ADGRG5: variants seen among roughly 807,000 people sequenced by gnomAD.
ADGRG5 encodes the protein G protein-coupled receptor 114.
In ADGRG5, 37 loss-of-function variants were observed where a neutral mutation model predicts 53.2. That is an observed-to-expected ratio of 0.70 (90% CI 0.53 to 0.91). The LOEUF (loss-of-function observed/expected upper bound fraction) is 0.91. Among genes scored for constraint, ADGRG5 ranks in the 40% least tolerant of loss-of-function variants. The pLI, the probability that ADGRG5 is intolerant of heterozygous loss-of-function variation, is 0.00. For synonymous variants in ADGRG5, 277 were observed against 290.4 expected, an observed-to-expected ratio of 0.95 and a Z score of 0.47; for missense variants, 614 against 675.8, an observed-to-expected ratio of 0.91 and a Z score of 1.01.
At chr16:57,564,320 T>C (rs568355731) in intron 5 of ADGRG5, among the ~76,000 whole-genome samples, 50 of 151,984 alleles carry the variant, frequency 3.3e-4, no homozygotes, top group Non-Finnish European at 5.3e-4. Context: ...AGATTTTTTT[T>C]TTTTTTTTTG....
Position 57,555,754 on chromosome 16 carries a change from A to G in ADGRG5, c.-38-6302A>G, listed in dbSNP as rs141179108. ...GAAGTTTACTTTTTCAGATATTAATATAGCTATTCCCTCTTACTTATTGAT... is the reference window on the plus strand; with the variant it reads ...GAAGTTTACTTTTTCAGATATTAATGTAGCTATTCCCTCTTACTTATTGAT... On this transcript the variant is annotated intron_variant, in intron 1 of 11. Transcript: ENST00000349457. Among the ~76,000 whole-genome samples, 1,219 of 152,298 alleles carry G rather than the reference A, an allele frequency of 8.0e-3. 6 individuals carry two copies. The highest frequency in any genetic ancestry group is 0.013 in the Non-Finnish European group (897 of 68,022).
At chr16:57,546,032 G>A (rs2032611262) in intron 1 of ADGRG5, among the ~76,000 whole-genome samples, 1 of 152,098 alleles carries the variant, frequency 6.6e-6, no homozygotes, top group African/African-American at 2.4e-5. Flanking sequence ...CACCTTGTTG[G>A]CCAGGCTGGT....
At position 57,561,814 on chromosome 16, in the gene ADGRG5, C is replaced by T. The variant is rs375959047; in HGVS notation, c.-38-242C>T. Among the ~76,000 whole-genome samples the T allele has an allele frequency of 2.6e-5, 4 of 152,278 alleles. No homozygotes were observed. The South Asian group carries it at 6.2e-4, about 24-fold the overall frequency. ...TTTTTGGGAAGGGGAGTGTATCAGG[C>T]GGAGCTGCTAATGGCAGCCATTACT... On this transcript the variant is annotated intron_variant, in intron 1 of 11. Transcript: ENST00000349457.
Position 57,570,443 on chromosome 16 carries a change from T to C in ADGRG5, c.1116T>C (p.Leu372=). ...GWGAPALLVL[L]SLSVKSSVYG... Reference sequence around the variant, plus strand: ...GGGCCCCAGCCCTCCTGGTGCTGCTTTCCCTCTCTGTCAAGAGCTCGGTAT... The same window carrying C: ...GGGCCCCAGCCCTCCTGGTGCTGCTCTCCCTCTCTGTCAAGAGCTCGGTAT... The change falls in exon 10 of 12, where the codon CTT becomes CTC. Residue 372 remains leucine, a synonymous_variant. Transcript: ENST00000349457. The C allele has an allele frequency of 6.2e-7, 1 of 1,613,128 alleles. No homozygotes were observed. The highest frequency in any genetic ancestry group is 8.5e-7 in the Non-Finnish European group (1 of 1,179,908).
Position 57,574,901 on chromosome 16 carries a change from C to T in ADGRG5, c.1295C>T (p.Ala432Val). The change falls in exon 11 of 12, where the codon GCC (alanine) becomes GTC (valine). Residue 432 changes from alanine (A) to valine (V), a missense_variant. Physicochemically the swap from Ala to Val is moderately conservative, Grantham distance 64 (BLOSUM62 0). Coordinates refer to ENST00000349457, the MANE Select transcript of ADGRG5 (RefSeq NM_001304376.3). This position sits in a 1 kb window ranked among gnomAD's most constrained non-coding sequence, Gnocchi z 4.4. Reference protein sequence around the residue: ...LTSLFNLVVLAWALWTLRRLR... With the variant: ...LTSLFNLVVLVWALWTLRRLR... Reference sequence around the variant, plus strand: ...TCCCTCTTCAACCTGGTGGTGCTGGCCTGGGCGCTGTGGACCCTGCGCAGG... The same window carrying T: ...TCCCTCTTCAACCTGGTGGTGCTGGTCTGGGCGCTGTGGACCCTGCGCAGG... 6.2e-7 allele frequency: 1 copy of T among 1,612,660 alleles called. No individual in the cohort carries two copies. The highest frequency in any genetic ancestry group is 8.5e-7 in the Non-Finnish European group (1 of 1,179,910).
chr16:57,534,696 G>A, the ADGRG5 span, among the ~76,000 whole-genome samples: 1 of 152,146 alleles, frequency 6.6e-6, no homozygotes, highest in Non-Finnish European at 1.5e-5. Context: ...ACCACTCTTA[G>A]GGGTACCCTT....
chr16:57,554,603 C>T lies in ADGRG5; in HGVS notation c.-38-7453C>T, dbSNP rs2032836870. Among the ~76,000 whole-genome samples the T allele has an allele frequency of 2.6e-5, 4 of 152,240 alleles. No individual in the cohort carries two copies. The South Asian group carries it at 8.3e-4, about 32-fold the overall frequency. ...GTGTTAGCCAGGATGGTCTCAATCT[C>T]CTGACTTTGTGATCCGCCCACCTTG... On this transcript the variant is annotated intron_variant, in intron 1 of 11. Transcript: ENST00000349457.
intron 9 of ADGRG5, 84 bp downstream of exon 9, chr16:57,568,208 C>G: frequency 7.1e-7 from 1 of 1,415,474 alleles, no homozygotes; most frequent in Non-Finnish European, 9.8e-7. Flanking sequence ...TTCCCCTCCT[C>G]CTCATCGTCA....
intron 7 of ADGRG5, 122 bp downstream of exon 7, chr16:57,566,873 C>CA (rs1187396947): frequency 5.9e-5 from 54 of 916,374 alleles, no homozygotes; most frequent in Middle Eastern, 3.5e-4. Context: ...AAGCAAAAAA[C>CA]AAAAAAAACT....
At chr16:57,538,644 A>G (rs1263723690), upstream of ADGRG5, among the ~76,000 whole-genome samples, 3 of 152,130 alleles carry the variant, frequency 2.0e-5, no homozygotes, top group Admixed American at 2.0e-4. Flanking sequence ...TGCAAGGCTA[A>G]TCTGGCGTCA....
chr16:57,573,545 A>C (rs947178660), intron 10 of ADGRG5, among the ~76,000 whole-genome samples: 16 of 152,150 alleles, frequency 1.1e-4, no homozygotes, highest in African/African-American at 3.9e-4. Context: ...ATAGGGCCTC[A>C]AGAGCCCTAT....
At chr16:57,571,284 C>G (rs535028068) in intron 10 of ADGRG5, among the ~76,000 whole-genome samples, 25 of 152,106 alleles carry the variant, frequency 1.6e-4, no homozygotes, top group African/African-American at 6.0e-4. Flanking sequence ...GGGCAAGGGC[C>G]GGGTCCTGTT....
At position 57,577,164 on chromosome 16, in the gene ADGRG5, T is replaced by G. The variant is rs1309341379; in HGVS notation, c.*1626T>G. 2 of 152,344 alleles carry G rather than the reference T, an allele frequency of 1.3e-5. No homozygotes were observed. Among genetic ancestry groups the G allele is most frequent in the African/African-American group, 4.8e-5 (2 of 41,564 alleles). 9.4% of individuals were successfully genotyped at this position (152,344 alleles called of 1,614,324 possible). A position where few individuals can be genotyped will look rare whatever the true frequency, so the allele number is the denominator to read the frequency against. On this transcript the variant is annotated 3_prime_UTR_variant, in exon 12 of 12. Coordinates refer to ENST00000349457, the MANE Select transcript of ADGRG5 (RefSeq NM_001304376.3). Reference sequence around the variant, plus strand: ...AGTAAAAGAATTCAAATAAAGAGACTTGGCACAGAGTAAGTGCTCAGTAAA... The same window carrying G: ...AGTAAAAGAATTCAAATAAAGAGACGTGGCACAGAGTAAGTGCTCAGTAAA...
In ADGRG5 at chr16:57,577,096, A is replaced by G. The variant is rs1398522850; in HGVS notation, c.*1558A>G. ...AGCCTCTGTGTGCCTCAGTTTTCCT[A>G]TTTGTAAAATAGAGGCCATAGTGGT... is the stretch of plus-strand genomic sequence containing the variant. On this transcript the variant is annotated 3_prime_UTR_variant, in exon 12 of 12. Transcript: ENST00000349457. The G allele has an allele frequency of 2.0e-5, 3 of 152,214 alleles. No individual in the cohort carries two copies. Among genetic ancestry groups the G allele is most frequent in the Non-Finnish European group, 2.9e-5 (2 of 68,042 alleles). 9.4% of individuals were successfully genotyped at this position (152,214 alleles called of 1,614,324 possible). A position where few individuals can be genotyped will look rare whatever the true frequency, so the allele number is the denominator to read the frequency against.
rs193018656 is a variant in ADGRG5 at position 57,576,733 on chromosome 16, T to C, written c.*1195T>C. Reference sequence around the variant, plus strand: ...AGGCAAGACACGCTTACACGGCCATTTGTCTCTTTTCCCAATGCGGCGGTG... The same window carrying C: ...AGGCAAGACACGCTTACACGGCCATCTGTCTCTTTTCCCAATGCGGCGGTG... On this transcript the variant is annotated 3_prime_UTR_variant, in exon 12 of 12. Transcript: ENST00000349457. 6.6e-6 allele frequency: 1 copy of C among 152,270 alleles called. No homozygotes were observed. The highest frequency in any genetic ancestry group is 1.9e-4 in the East Asian group (1 of 5,188). The allele number at this position is 152,270 out of a possible 1,614,324, so 9.4% of individuals were successfully genotyped here.
In ADGRG5 at chr16:57,563,204, C is replaced by T. The variant is rs2033046742; in HGVS notation, c.254C>T (p.Ser85Phe). The part of the protein sequence containing the change: ...SLAFKLSCDF[S>F]GLSLTSATLK... ...GCCTTCAAGCTGAGCTGTGACTTCT[C>T]TGGCCTCTCGCTGACCAGTGCCACT... The change falls in exon 4 of 12, where the codon TCT becomes TTT. Residue 85 changes from serine (S) to phenylalanine (F), a missense_variant. Physicochemically the swap from Ser to Phe is radical, Grantham distance 155. Coordinates refer to ENST00000349457, the MANE Select transcript of ADGRG5 (RefSeq NM_001304376.3). The T allele has an allele frequency of 6.2e-7, 1 of 1,614,184 alleles. No homozygotes were observed. The highest frequency in any genetic ancestry group is 1.1e-5 in the South Asian group (1 of 91,082).
At chr16:57,557,265 T>C (rs1251445518) in intron 1 of ADGRG5, among the ~76,000 whole-genome samples, 1 of 152,240 alleles carries the variant, frequency 6.6e-6, no homozygotes, top group Non-Finnish European at 1.5e-5. Context: ...GAATGACAGA[T>C]TTTTATTGAA....
chr16:57,556,847 C>A (rs2032893068), intron 1 of ADGRG5, among the ~76,000 whole-genome samples: 1 of 151,312 alleles, frequency 6.6e-6, no homozygotes, highest in Non-Finnish European at 1.5e-5. Context: ...TAGTGCCAAT[C>A]TGCTGGCAAT....
At chr16:57,567,776 G>C in intron 8 of ADGRG5, 80 bp from the exon 9 acceptor site, 3 of 1,504,144 alleles carry the variant, frequency 2.0e-6, no homozygotes, top group East Asian at 2.4e-5. Context: ...TTTCCCTGTC[G>C]GCATGCACCT....
Sources: gnomAD v4.1 joint callset for allele counts (sites outside exome capture counted in the v4.1 genomes callset) on GRCh38, gnomAD v4.1.1 for gene constraint, Gnocchi (gnomAD v3.1) non-coding constraint, MANE v1.5 for transcripts, NCBI Gene and HGNC (gene_info 2026-07-23, HGNC 2026-07-21) for gene names.